The following RIN2 variants were observed in gnomAD, a reference collection of about 807,000 sequenced individuals.
RIN2 encodes the protein Ras and Rab interactor 2.
A neutral mutation model predicts 78.0 loss-of-function variants in RIN2; 36 were observed. The ratio of observed to expected loss-of-function variants is 0.46; its 90% confidence interval spans 0.35 to 0.61. RIN2 has a LOEUF of 0.61. Ranked by LOEUF, RIN2 falls within the 20% of genes least tolerant of loss-of-function variation. The probability of loss-of-function intolerance (pLI) is 0.00; values close to 1 mark genes in which losing one functional copy is unlikely to be tolerated. For missense variants in RIN2, 1,087 were observed against 1,159.7 expected, an observed-to-expected ratio of 0.94 and a Z score of 0.91; for synonymous variants, 466 against 466.8, an observed-to-expected ratio of 1.00 and a Z score of 0.02.
chr20:19,860,032 G>A (rs1480255217), intron 2 of RIN2, among the ~76,000 whole-genome samples: 1 of 152,202 alleles, frequency 6.6e-6, no homozygotes, highest in Admixed American at 6.5e-5. Flanking sequence ...ATGCTGTAGA[G>A]AGCACAAGCT....
Position 19,785,586 on chromosome 20 carries a change from C to T in RIN2, c.-162-14036C>T, listed in dbSNP as rs932997268. ...AGGCCTATGTTTTCTAAACCCCAGC[C>T]CAAGGCAAGCATTTCTTATCCATAA... is the stretch of plus-strand genomic sequence containing the variant. On this transcript the variant is annotated intron_variant, in intron 1 of 12. Transcript: ENST00000255006. Among the ~76,000 whole-genome samples the T allele has an allele frequency of 2.8e-4, 43 of 152,142 alleles. 1 individual carries two copies.
intron 6 of RIN2, among the ~76,000 whole-genome samples, chr20:19,962,470 T>C (rs2041796118): frequency 6.6e-6 from 1 of 152,208 alleles, no homozygotes; most frequent in African/African-American, 2.4e-5. Context: ...AGCTTCCTCG[T>C]TGTTCATTGA....
intron 11 of RIN2, among the ~76,000 whole-genome samples, chr20:19,992,552 T>G (rs2042828195): frequency 6.6e-6 from 1 of 152,238 alleles, no homozygotes; most frequent in South Asian, 2.1e-4. Flanking sequence ...GTTAACTGAA[T>G]TTTTTATTAA....
intron 2 of RIN2, among the ~76,000 whole-genome samples, chr20:19,808,780 G>A (rs916070864): frequency 2.6e-5 from 4 of 152,238 alleles, no homozygotes; most frequent in Admixed American, 2.0e-4. Flanking sequence ...GGGTGGCATT[G>A]CTAGTGATGT....
chr20:19,860,329 G>GT lies in RIN2; in HGVS notation c.-36-29229dup, dbSNP rs796706685. Among the ~76,000 whole-genome samples the GT allele has an allele frequency of 7.2e-5, 10 of 139,264 alleles. No individual in the cohort carries two copies. The East Asian group carries it at 7.9e-4, about 11-fold the overall frequency. The allele number at this position is 139,264 out of a possible 152,430, so 91.4% of individuals were successfully genotyped here. A position where few individuals can be genotyped will look rare whatever the true frequency, so the allele number is the denominator to read the frequency against. Reference sequence around the variant, plus strand: ...TGTTTGTTTTTTTGTTTTGTTTTTTGTTTTTTTTCTGAGACGGAGTCTCAC... The same window carrying GT: ...TGTTTGTTTTTTTGTTTTGTTTTTTGTTTTTTTTTCTGAGACGGAGTCTCAC... On this transcript the variant is annotated intron_variant, in intron 2 of 12. Transcript: ENST00000255006.
At chr20:19,912,475 CTTTTTTT>C (rs545323465) in intron 3 of RIN2, among the ~76,000 whole-genome samples, 3 of 110,932 alleles carry the variant, frequency 2.7e-5, no homozygotes, top group Admixed American at 1.0e-4. Context: ...TTTTCTTTTT[CTTTTTTT>C]TTTTTTTTTT....
intron 3 of RIN2, among the ~76,000 whole-genome samples, chr20:19,898,286 G>T (rs2038826672): frequency 6.6e-6 from 1 of 152,172 alleles, no homozygotes; most frequent in Admixed American, 6.5e-5. Flanking sequence ...TTAAAAATCA[G>T]GAGTGAAGCA....
chr20:19,998,570 C>T (rs1475755531), intron 12 of RIN2, among the ~76,000 whole-genome samples: 1 of 152,118 alleles, frequency 6.6e-6, no homozygotes, highest in Admixed American at 6.5e-5. Context: ...ATGATCACAC[C>T]ACTGCACTCC....
At chr20:19,787,104 T>C (rs2034702243) in intron 1 of RIN2, among the ~76,000 whole-genome samples, 1 of 152,042 alleles carries the variant, frequency 6.6e-6, no homozygotes, top group Non-Finnish European at 1.5e-5. Context: ...TGAGCAAACA[T>C]ATTTAACATT....
At chr20:19,846,803 C>G (rs2036798858) in intron 2 of RIN2, among the ~76,000 whole-genome samples, 1 of 152,156 alleles carries the variant, frequency 6.6e-6, no homozygotes, top group African/African-American at 2.4e-5. Context: ...TGCCGGTTTT[C>G]AAAGGGAATG....
At chr20:19,835,797 G>A (rs1461786555) in intron 2 of RIN2, among the ~76,000 whole-genome samples, 4 of 152,168 alleles carry the variant, frequency 2.6e-5, no homozygotes, top group Non-Finnish European at 4.4e-5. Flanking sequence ...GAACCAGGCT[G>A]AGTAGGAAAA....
rs139435134 is a variant in RIN2, at chr20:19,839,628, C to T, written c.-37+39881C>T. On this transcript the variant is annotated intron_variant, in intron 2 of 12. Transcript: ENST00000255006. ...TTTCCTTCCTTCTCTCTACCACCTC[C>T]CCCTGGAGGATCTAGTTCCACCCTT... 2.8e-4 allele frequency among the ~76,000 whole-genome samples: 43 copies of T among 152,314 alleles called. 1 individual carries two copies. The East Asian group carries it at 4.6e-3, about 16-fold the overall frequency.
At chr20:19,968,346 A>C (rs1175081391) in intron 7 of RIN2, among the ~76,000 whole-genome samples, 2 of 152,212 alleles carry the variant, frequency 1.3e-5, no homozygotes, top group African/African-American at 4.8e-5. Context: ...TCTTGGGTGA[A>C]ACATTTATAT....
intron 2 of RIN2, among the ~76,000 whole-genome samples, chr20:19,849,740 TA>T (rs2036902705): frequency 6.6e-6 from 1 of 152,136 alleles, no homozygotes; most frequent in Admixed American, 6.5e-5. Context: ...GAAATAGTTT[TA>T]AAAGGAAGAA....
At chr20:19,791,567 G>A (rs971361656) in intron 1 of RIN2, among the ~76,000 whole-genome samples, 3 of 152,174 alleles carry the variant, frequency 2.0e-5, no homozygotes, top group Non-Finnish European at 4.4e-5. Flanking sequence ...GGAAAACAGA[G>A]ATCATCAGTT....
At chr20:19,783,510 A>T (rs1195934990) in intron 1 of RIN2, among the ~76,000 whole-genome samples, 5 of 152,134 alleles carry the variant, frequency 3.3e-5, no homozygotes, top group Non-Finnish European at 5.9e-5. Flanking sequence ...ATTCCTGTCC[A>T]GGCAAAGGCT....
At chr20:19,940,648 C>T (rs978134212) in intron 4 of RIN2, among the ~76,000 whole-genome samples, 12 of 152,240 alleles carry the variant, frequency 7.9e-5, no homozygotes, top group Admixed American at 5.2e-4. Context: ...TTCCTGCTTC[C>T]TCTCTTCCCA....
chr20:19,763,174 TAGG>T (rs2033715551), intron 1 of RIN2, among the ~76,000 whole-genome samples: 1 of 152,046 alleles, frequency 6.6e-6, no homozygotes, highest in Admixed American at 6.5e-5. Flanking sequence ...CACTTGAGGT[TAGG>T]AGTTCAAGGC....
chr20:19,902,679 G>A (rs2039038561), intron 3 of RIN2, among the ~76,000 whole-genome samples: 2 of 152,142 alleles, frequency 1.3e-5, no homozygotes, highest in African/African-American at 4.8e-5. Flanking sequence ...TGGGGTTGCA[G>A]ATCTAGCAAA....
Sources: gnomAD v4.1 joint callset for allele counts (sites outside exome capture counted in the v4.1 genomes callset) on GRCh38, gnomAD v4.1.1 for gene constraint, MANE v1.5 for transcripts, NCBI Gene and HGNC (gene_info 2026-07-23, HGNC 2026-07-21) for gene names.